NEFL: variants seen among roughly 807,000 people sequenced by gnomAD.
The protein encoded by NEFL is neurofilament light chain.
NEFL carries 36 observed loss-of-function variants against 51.6 expected under a neutral mutation model. That is an observed-to-expected ratio of 0.70 (90% CI 0.53 to 0.92). The LOEUF (loss-of-function observed/expected upper bound fraction) is 0.92, where lower values mean the gene tolerates loss of function less well. Among genes scored for constraint, NEFL ranks in the 40% least tolerant of loss-of-function variants. The pLI, the probability that NEFL is intolerant of heterozygous loss-of-function variation, is 0.00. For synonymous variants in NEFL, 332 were observed against 302.5 expected (o/e 1.10, Z -1.01); for missense variants, 671 against 722.0 (o/e 0.93, Z 0.81).
Position 24,955,419 on chromosome 8 carries a change from C to CGGGGGGGGG in NEFL, c.1044+52_1044+53insCCCCCCCCC. 7.2e-7 allele frequency: 1 copy of CGGGGGGGGG among 1,395,296 alleles called. No individual in the cohort carries two copies. Among genetic ancestry groups the CGGGGGGGGG allele is most frequent in the Non-Finnish European group, 9.7e-7 (1 of 1,027,512 alleles). 86.4% of individuals were successfully genotyped at this position (1,395,296 alleles called of 1,614,324 possible). On this transcript the variant is annotated intron_variant, in intron 1 of 3. Transcript: ENST00000610854. This position sits in a 1 kb window ranked among gnomAD's most constrained non-coding sequence, Gnocchi z 4.0. ...GGTCTCCACTTTCTGGGCGCACCAA[C>CGGGGGGGGG]TCCCCCCCTTGCTCGAGTCCCCCGC... is the stretch of plus-strand genomic sequence containing the variant.
Position 24,953,557 on chromosome 8 carries a change from G to A in NEFL, c.1408C>T (p.Pro470Ser), listed in dbSNP as rs758305388. Reference sequence around the variant, plus strand: ...TCCTCGGCTTCTCCTTCAGAGGGGGGCTCATCCTTGGCTTCCTCAGCCTTG... The same window carrying A: ...TCCTCGGCTTCTCCTTCAGAGGGGGACTCATCCTTGGCTTCCTCAGCCTTG... ...AAKAEEAKDEPPSEGEAEEEE... is the reference protein window; with the variant it reads ...AAKAEEAKDESPSEGEAEEEE... The change falls in exon 3 of 4, where the codon CCC becomes TCC. Residue 470 changes from proline (P) to serine (S), a missense_variant. Coordinates refer to ENST00000610854, the MANE Select transcript of NEFL (RefSeq NM_006158.5). 5.9e-5 allele frequency: 95 copies of A among 1,613,624 alleles called. No individual in the cohort carries two copies. The highest frequency in any genetic ancestry group is 7.8e-5 in the Non-Finnish European group (92 of 1,179,832).
At chr8:24,954,819 A>C (rs562280557) in intron 1 of NEFL, among the ~76,000 whole-genome samples, 27 of 152,202 alleles carry the variant, frequency 1.8e-4, no homozygotes, top group African/African-American at 6.3e-4. Flanking sequence ...GATGTTTTAA[A>C]ATGGAGATCT....
rs752017336 is a variant in NEFL, at chr8:24,952,791, T to C, written c.*19A>G. ...GATTTCGGGAGAATTATTCCTGAAA[T>C]AATTAAGGAAATGGGGGTTCAATCT... On this transcript the variant is annotated 3_prime_UTR_variant, in exon 4 of 4. Coordinates refer to ENST00000610854, the MANE Select transcript of NEFL (RefSeq NM_006158.5). 1 of 1,613,898 alleles carries C rather than the reference T, an allele frequency of 6.2e-7. No homozygotes were observed. The highest frequency in any genetic ancestry group is 1.7e-5 in the Admixed American group (1 of 60,012).
Position 24,956,041 on chromosome 8 carries a change from C to T in NEFL, c.475G>A (p.Ala159Thr). 1 of 1,604,154 alleles carries T rather than the reference C, an allele frequency of 6.2e-7. No homozygotes were observed. Among genetic ancestry groups the T allele is most frequent in the Middle Eastern group, 1.7e-4 (1 of 6,054 alleles). ...AAEDATNEKQ[A>T]LQGEREGLEE... Reference sequence around the variant, plus strand: ...AGCCCTTCGCGCTCGCCCTGGAGCGCCTGCTTCTCGTTGGTGGCATCTTCC... The same window carrying T: ...AGCCCTTCGCGCTCGCCCTGGAGCGTCTGCTTCTCGTTGGTGGCATCTTCC... The change falls in exon 1 of 4, where the codon GCG (alanine) becomes ACG (threonine). Residue 159 changes from alanine (A) to threonine (T), a missense_variant. Ala to Thr is a moderately conservative substitution (Grantham distance 58). Coordinates refer to ENST00000610854, the MANE Select transcript of NEFL (RefSeq NM_006158.5). This position sits in a 1 kb window ranked among gnomAD's most constrained non-coding sequence, Gnocchi z 5.9.
chr8:24,955,326 C>T lies in NEFL; in HGVS notation c.1044+146G>A, dbSNP rs1374113842. On this transcript the variant is annotated intron_variant, in intron 1 of 3. Coordinates refer to ENST00000610854, the MANE Select transcript of NEFL (RefSeq NM_006158.5). The surrounding 1 kb of genome is among the most constrained non-coding windows in gnomAD (Gnocchi z 4.0). The stretch of plus-strand genomic sequence containing the variant: ...GCACTCACGCCCTTCAAGTGCCCCA[C>T]CCCTCCCACACAGTGGCCAAGGAGC... The T allele has an allele frequency of 1.3e-5, 10 of 776,870 alleles. No individual in the cohort carries two copies. The highest frequency in any genetic ancestry group is 2.0e-5 in the Non-Finnish European group (10 of 499,166). 48.1% of individuals were successfully genotyped at this position (776,870 alleles called of 1,614,324 possible). A position where few individuals can be genotyped will look rare whatever the true frequency, so the allele number is the denominator to read the frequency against.
Position 24,951,505 on chromosome 8 carries a change from T to C in NEFL, c.*1305A>G, listed in dbSNP as rs1358968588. On this transcript the variant is annotated 3_prime_UTR_variant, in exon 4 of 4. Coordinates refer to ENST00000610854, the MANE Select transcript of NEFL (RefSeq NM_006158.5). Reference sequence around the variant, plus strand: ...CGACAGAAAGGATACATGGGGCGTGTATTTGATGCAATGTCCAACCAGTCA... The same window carrying C: ...CGACAGAAAGGATACATGGGGCGTGCATTTGATGCAATGTCCAACCAGTCA... 2.6e-5 allele frequency: 4 copies of C among 152,236 alleles called. No individual in the cohort carries two copies. The highest frequency in any genetic ancestry group is 2.6e-4 in the Admixed American group (4 of 15,278). 9.4% of individuals were successfully genotyped at this position (152,236 alleles called of 1,614,324 possible). A position where few individuals can be genotyped will look rare whatever the true frequency, so the allele number is the denominator to read the frequency against.
At chr8:24,953,017 CA>C in intron 3 of NEFL, 65 bp from the exon 4 acceptor site, 1 of 1,515,334 alleles carries the variant, frequency 6.6e-7, no homozygotes. Flanking sequence ...AACATGTCTG[CA>C]AAGGTTTTAT....
Position 24,952,754 on chromosome 8 carries a change from T to C in NEFL, c.*56A>G. The C allele has an allele frequency of 1.2e-6, 2 of 1,612,454 alleles. No individual in the cohort carries two copies. The highest frequency in any genetic ancestry group is 1.7e-6 in the Non-Finnish European group (2 of 1,179,166). On this transcript the variant is annotated 3_prime_UTR_variant, in exon 4 of 4. Transcript: ENST00000610854. ...ACTCAACTGGTTGGTTGGTTGGTGA[T>C]GGGGTTGACCTGATTTCGGGAGAAT... is the stretch of plus-strand genomic sequence containing the variant.
rs1207416034 is a variant in NEFL at position 24,955,866 on chromosome 8, A to C, written c.650T>G (p.Met217Arg). 4 of 1,608,932 alleles carry C rather than the reference A, an allele frequency of 2.5e-6. No individual in the cohort carries two copies. The highest frequency in any genetic ancestry group is 3.4e-6 in the Non-Finnish European group (4 of 1,179,862). ...AELEKRIDSL[M>R]DEISFLKKVH... is the part of the protein sequence containing the mutation. The stretch of plus-strand genomic sequence containing the variant: ...TTTCTTCAGAAAAGAGATTTCGTCC[A>C]TCAAGCTGTCGATGCGCTTCTCGAG... Residue 217 changes from methionine (M) to arginine (R), a missense_variant, in exon 1 of 4, where the codon ATG becomes AGG. Physicochemically the swap from Met to Arg is moderately conservative, Grantham distance 91 (BLOSUM62 -1). Coordinates refer to ENST00000610854, the MANE Select transcript of NEFL (RefSeq NM_006158.5). This position sits in a 1 kb window ranked among gnomAD's most constrained non-coding sequence, Gnocchi z 4.0.
rs542009904 is a variant in NEFL at position 24,955,271 on chromosome 8, G to A, written c.1044+201C>T. On this transcript the variant is annotated intron_variant, in intron 1 of 3. Coordinates refer to ENST00000610854, the MANE Select transcript of NEFL (RefSeq NM_006158.5). This position sits in a 1 kb window ranked among gnomAD's most constrained non-coding sequence, Gnocchi z 4.0. ...ATGCGGAACGCCGGTGCAGCAGCAC[G>A]GAGCACACTCCCAGACTACAGTGGC... 2 of 586,842 alleles carry A rather than the reference G, an allele frequency of 3.4e-6. No individual in the cohort carries two copies. Among genetic ancestry groups the A allele is most frequent in the Non-Finnish European group, 5.9e-6 (2 of 337,142 alleles). The allele number at this position is 586,842 out of a possible 1,614,324, so 36.4% of individuals were successfully genotyped here. A position where few individuals can be genotyped will look rare whatever the true frequency, so the allele number is the denominator to read the frequency against.
Position 24,952,860 on chromosome 8 carries a change from TCTC to T in NEFL, c.1579_1581del (p.Glu527del), listed in dbSNP as rs3832558. On this transcript the variant is annotated inframe_deletion, in exon 4 of 4. Coordinates refer to ENST00000610854, the MANE Select transcript of NEFL (RefSeq NM_006158.5). ...TCCTCCCCAGCACCTTCAACTTTCT[TCTC>T]CTCCTCTTCAGCTTCTTTGGTTTCC... 1,780 of 1,610,984 alleles carry T rather than the reference TCTC, an allele frequency of 1.1e-3. 33 individuals are homozygous for T. In the South Asian group the frequency reaches 0.013, roughly 12 times the overall value.
chr8:24,956,179 G>T lies in NEFL; in HGVS notation c.337C>A (p.Gln113Lys). The T allele has an allele frequency of 6.2e-7, 1 of 1,610,120 alleles. No individual in the cohort carries two copies. Among genetic ancestry groups the T allele is most frequent in the South Asian group, 1.1e-5 (1 of 90,100 alleles). The change falls in exon 1 of 4, where the codon CAG becomes AAG. Residue 113 changes from glutamine (Q) to lysine (K), a missense_variant. Gln to Lys is a moderately conservative substitution (Grantham distance 53). Coordinates refer to ENST00000610854, the MANE Select transcript of NEFL (RefSeq NM_006158.5). The surrounding 1 kb of genome is among the most constrained non-coding windows in gnomAD (Gnocchi z 5.9). ...TCGGCTTCCAGGACCTTGTTCTGCT[G>T]CTCCAGCTCGTGCACGCGCTCGATG... The part of the protein sequence containing the change: ...SFIERVHELE[Q>K]QNKVLEAELL...
rs545637885 is a variant in NEFL at position 24,956,099 on chromosome 8, G to C, written c.417C>G (p.Tyr139Ter). ...HSEPSRFRAL[Y>*]EQEIRDLRLA... ...GGCGCAGGTCGCGGATCTCCTGCTCGTACAGCGCCCGGAAGCGGGATGGCT... is the reference window on the plus strand; with the variant it reads ...GGCGCAGGTCGCGGATCTCCTGCTCCTACAGCGCCCGGAAGCGGGATGGCT... The change falls in exon 1 of 4, where the codon TAC (tyrosine) becomes TAG (stop). Residue 139 changes from tyrosine (Y) to a stop codon, truncating the protein, a stop_gained. Transcript: ENST00000610854. LOFTEE classifies it high-confidence loss of function. This position sits in a 1 kb window ranked among gnomAD's most constrained non-coding sequence, Gnocchi z 5.9. 1.2e-6 allele frequency: 2 copies of C among 1,606,426 alleles called. No individual in the cohort carries two copies. Among genetic ancestry groups the C allele is most frequent in the Non-Finnish European group, 8.5e-7 (1 of 1,178,736 alleles).
At position 24,954,199 on chromosome 8, in the gene NEFL, A is replaced by G. The variant is rs1803009518; in HGVS notation, c.1151T>C (p.Ile384Thr). ...TTTTCACCTGTAAGCTGCAATCTCA[A>G]TATCCAAAGCCATCTTCACGTTGAG... ...DLLNVKMALD[I>T]EIAAYRKLLE... Residue 384 changes from isoleucine (I) to threonine (T), a missense_variant, in exon 2 of 4, where the codon ATT becomes ACT. Transcript: ENST00000610854. 6.2e-7 allele frequency: 1 copy of G among 1,613,896 alleles called. No individual in the cohort carries two copies. The highest frequency in any genetic ancestry group is 8.5e-7 in the Non-Finnish European group (1 of 1,179,866).
chr8:24,954,284 T>C lies in NEFL; in HGVS notation c.1066A>G (p.Asn356Asp). The C allele has an allele frequency of 6.2e-7, 1 of 1,613,680 alleles. No homozygotes were observed. Among genetic ancestry groups the C allele is most frequent in the Non-Finnish European group, 8.5e-7 (1 of 1,179,798 alleles). Residue 356 changes from asparagine to aspartate, a missense_variant, in exon 2 of 4, where the codon AAT becomes GAT. By Grantham distance (23) the Asn-to-Asp change is conservative. Transcript: ENST00000610854. ...AMQDTINKLE[N>D]ELRTTKSEMA... ...TCACTCTTTGTGGTCCTCAATTCAT[T>C]TTCTAATTTGTTGATCGTGTCCTGT...
chr8:24,955,945 G>T lies in NEFL; in HGVS notation c.571C>A (p.Arg191=). 6.2e-7 allele frequency: 1 copy of T among 1,603,016 alleles called. No homozygotes were observed. The highest frequency in any genetic ancestry group is 8.5e-7 in the Non-Finnish European group (1 of 1,179,206). The change falls in exon 1 of 4, where the codon CGG becomes AGG. Residue 191 remains arginine (R), a synonymous_variant. Transcript: ENST00000610854. The surrounding 1 kb of genome is among the most constrained non-coding windows in gnomAD (Gnocchi z 4.0). The part of the protein sequence containing the change: ...EVLSREDAEG[R]LMEARKGADE... ...GCGCCTTTGCGCGCTTCCATCAGCC[G>T]GCCCTCGGCGTCCTCGCGGCTCAGC... is the stretch of plus-strand genomic sequence containing the variant.
rs755603477 is a variant in NEFL at position 24,955,805 on chromosome 8, C to T, written c.711G>A (p.Gln237=). 6.2e-7 allele frequency: 1 copy of T among 1,612,550 alleles called. No homozygotes were observed. The highest frequency in any genetic ancestry group is 2.2e-5 in the East Asian group (1 of 44,854). The change falls in exon 1 of 4, where the codon CAG becomes CAA. Residue 237 remains glutamine, a synonymous_variant. Coordinates refer to ENST00000610854, the MANE Select transcript of NEFL (RefSeq NM_006158.5). The surrounding 1 kb of genome is among the most constrained non-coding windows in gnomAD (Gnocchi z 4.0). ...HEEEIAELQA[Q]IQYAQISVEM... Reference sequence around the variant, plus strand: ...CCACGGAGATCTGCGCGTACTGGATCTGCGCCTGCAGTTCGGCGATCTCCT... The same window carrying T: ...CCACGGAGATCTGCGCGTACTGGATTTGCGCCTGCAGTTCGGCGATCTCCT...
In NEFL at chr8:24,955,917, T is replaced by G. The variant is rs1415423961; in HGVS notation, c.599A>C (p.Asp200Ala). The change falls in exon 1 of 4, where the codon GAC becomes GCC. Residue 200 changes from aspartate to alanine, a missense_variant. Transcript: ENST00000610854. The surrounding 1 kb of genome is among the most constrained non-coding windows in gnomAD (Gnocchi z 4.0). ...CTCGGCGCGAGCGAGCGCCGCCTCG[T>G]CGGCGCCTTTGCGCGCTTCCATCAG... The part of the protein sequence containing the change: ...GRLMEARKGA[D>A]EAALARAELE... 1 of 1,604,680 alleles carries G rather than the reference T, an allele frequency of 6.2e-7. No homozygotes were observed. The highest frequency in any genetic ancestry group is 8.5e-7 in the Non-Finnish European group (1 of 1,179,712).
Position 24,955,429 on chromosome 8 carries a change from T to C in NEFL, c.1044+43A>G. The stretch of plus-strand genomic sequence containing the variant: ...TTCTGGGCGCACCAACTCCCCCCCT[T>C]GCTCGAGTCCCCCGCCCCCCTGTGT... On this transcript the variant is annotated intron_variant, in intron 1 of 3. Transcript: ENST00000610854. This position sits in a 1 kb window ranked among gnomAD's most constrained non-coding sequence, Gnocchi z 4.0. The C allele has an allele frequency of 4.4e-5, 25 of 562,962 alleles. No individual in the cohort carries two copies. The highest frequency in any genetic ancestry group is 7.5e-5 in the South Asian group (4 of 53,596). The allele number at this position is 562,962 out of a possible 1,614,324, so 34.9% of individuals were successfully genotyped here.
Sources: allele counts gnomAD v4.1 joint callset (sites outside exome capture counted in the v4.1 genomes callset), GRCh38; gene constraint gnomAD v4.1.1; non-coding constraint Gnocchi (gnomAD v3.1); transcripts MANE v1.5; gene names NCBI Gene and HGNC (gene_info 2026-07-23, HGNC 2026-07-21).